Variants in SYNDIG1 observed in about 807,000 individuals in gnomAD.
The protein encoded by SYNDIG1 is synapse differentiation inducing 1.
In SYNDIG1, 9 loss-of-function variants were observed where a neutral mutation model predicts 19.4. The observed-to-expected ratio is 0.46, with a 90% CI of 0.28 to 0.81. The LOEUF (loss-of-function observed/expected upper bound fraction) is 0.81, where lower values mean the gene tolerates loss of function less well. SYNDIG1 is among the 30% of genes least tolerant of loss of function. The pLI is 0.12. For synonymous variants in SYNDIG1, 141 were observed against 145.9 expected, an observed-to-expected ratio of 0.97 and a Z score of 0.24; for missense variants, 311 against 343.3, an observed-to-expected ratio of 0.91 and a Z score of 0.74.
At chr20:24,642,220 C>A (rs550985249) in intron 3 of SYNDIG1, among the ~76,000 whole-genome samples, 7 of 152,152 alleles carry the variant, frequency 4.6e-5, no homozygotes, top group Non-Finnish European at 7.3e-5. Context: ...GAGCACTGAT[C>A]GGGTACATCG....
chr20:24,511,058 G>A (rs929528522), intron 1 of SYNDIG1, among the ~76,000 whole-genome samples: 5 of 152,106 alleles, frequency 3.3e-5, no homozygotes, highest in African/African-American at 9.7e-5. Context: ...TTTTCCCTGT[G>A]TGGATTTGGT....
intron 2 of SYNDIG1, among the ~76,000 whole-genome samples, chr20:24,546,759 G>A (rs1236691212): frequency 6.6e-6 from 1 of 152,022 alleles, no homozygotes; most frequent in Non-Finnish European, 1.5e-5. Context: ...CAACCACAGA[G>A]CCAAAAACCA....
chr20:24,501,936 G>A (rs570176407), intron 1 of SYNDIG1, among the ~76,000 whole-genome samples: 1 of 152,224 alleles, frequency 6.6e-6, no homozygotes, highest in Non-Finnish European at 1.5e-5. Context: ...TTTCCAGCAA[G>A]GGGAGACTGC....
Position 24,549,134 on chromosome 20 carries a change from A to G in SYNDIG1, c.480+5557A>G, listed in dbSNP as rs112993834. The stretch of plus-strand genomic sequence containing the variant: ...AATATATTATTTTTCAACTGTTTTC[A>G]TGCTACAGTGCTGTAGAACACTGGA... On this transcript the variant is annotated intron_variant, in intron 2 of 3. Transcript: ENST00000376862. Among the ~76,000 whole-genome samples, 39 of 152,236 alleles carry G rather than the reference A, an allele frequency of 2.6e-4. 1 individual carries two copies. Among genetic ancestry groups the G allele is most frequent in the African/African-American group, 8.7e-4 (36 of 41,538 alleles).
At chr20:24,521,583 A>C (rs2057004399) in intron 1 of SYNDIG1, among the ~76,000 whole-genome samples, 1 of 151,984 alleles carries the variant, frequency 6.6e-6, no homozygotes, top group Admixed American at 6.6e-5. Context: ...CTGCTAGTAT[A>C]ATAAAGGCAT....
At chr20:24,651,301 A>G (rs2059471833) in intron 3 of SYNDIG1, among the ~76,000 whole-genome samples, 1 of 152,202 alleles carries the variant, frequency 6.6e-6, no homozygotes, top group Non-Finnish European at 1.5e-5. Flanking sequence ...GACTGCATTC[A>G]GTGCTGATAA....
rs184028043 is a variant in SYNDIG1 at position 24,530,328 on chromosome 20, T to C, written c.-78-12692T>C. On this transcript the variant is annotated intron_variant, in intron 1 of 3. Transcript: ENST00000376862. ...AAAGCATCACTCACCAGCAGAAGTTTGGGTTGGCTTTGTGAACAGGAAGTC... is the reference window on the plus strand; with the variant it reads ...AAAGCATCACTCACCAGCAGAAGTTCGGGTTGGCTTTGTGAACAGGAAGTC... 4.1e-4 allele frequency among the ~76,000 whole-genome samples: 62 copies of C among 152,318 alleles called. No individual in the cohort carries two copies. In the East Asian group the frequency reaches 8.1e-3, roughly 20 times the overall value.
intron 2 of SYNDIG1, among the ~76,000 whole-genome samples, chr20:24,580,712 A>G (rs2058308518): frequency 6.6e-6 from 1 of 152,016 alleles, no homozygotes; most frequent in Non-Finnish European, 1.5e-5. Context: ...CCCACCCCTC[A>G]GTTTTTAAAA....
chr20:24,575,779 G>A (rs2058217627), intron 2 of SYNDIG1, among the ~76,000 whole-genome samples: 1 of 152,192 alleles, frequency 6.6e-6, no homozygotes, highest in Non-Finnish European at 1.5e-5. Flanking sequence ...TCTGAATGAT[G>A]CATTGACTCG....
intron 3 of SYNDIG1, among the ~76,000 whole-genome samples, chr20:24,607,170 G>A (rs2058767947): frequency 1.3e-5 from 2 of 152,074 alleles, no homozygotes; most frequent in South Asian, 4.1e-4. Flanking sequence ...GACCAGCCTG[G>A]CCAACATGGC....
chr20:24,482,299 G>C (rs2055821180), intron 1 of SYNDIG1, among the ~76,000 whole-genome samples: 1 of 152,154 alleles, frequency 6.6e-6, no homozygotes, highest in Non-Finnish European at 1.5e-5. Flanking sequence ...TGTCTCCCCT[G>C]ACCTTGTGAT....
At chr20:24,545,662 G>T (rs897547811) in intron 2 of SYNDIG1, among the ~76,000 whole-genome samples, 3 of 152,094 alleles carry the variant, frequency 2.0e-5, no homozygotes, top group African/African-American at 7.2e-5. Context: ...AGGAATGGGT[G>T]GGGGCAGACA....
chr20:24,600,864 C>T (rs1326899970), intron 3 of SYNDIG1, among the ~76,000 whole-genome samples: 1 of 152,158 alleles, frequency 6.6e-6, no homozygotes, highest in African/African-American at 2.4e-5. Context: ...ATCTGCCTGC[C>T]TTGGCCTCCC....
rs139022874 is a variant in SYNDIG1, at chr20:24,665,350, A to G, written c.623A>G (p.Asn208Ser). The change falls in exon 4 of 4, where the codon AAC (asparagine) becomes AGC (serine). Residue 208 changes from asparagine (N) to serine (S), a missense_variant. Transcript: ENST00000376862. Reference sequence around the variant, plus strand: ...TTTTCTTCTCCAACTCTGCAGACCAACAAAGCCGTGGCCAAGGGGGACTTG... The same window carrying G: ...TTTTCTTCTCCAACTCTGCAGACCAGCAAAGCCGTGGCCAAGGGGGACTTG... ...IAAFYLSHET[N>S]KAVAKGDLHQ... is the part of the protein sequence containing the mutation. 2 of 1,600,024 alleles carry G rather than the reference A, an allele frequency of 1.2e-6. No individual in the cohort carries two copies. The highest frequency in any genetic ancestry group is 1.7e-6 in the Non-Finnish European group (2 of 1,175,308).
intron 3 of SYNDIG1, among the ~76,000 whole-genome samples, chr20:24,601,082 GC>G (rs1328696451): frequency 3.3e-5 from 5 of 152,076 alleles, no homozygotes; most frequent in African/African-American, 1.2e-4. Flanking sequence ...AGCTTTTTGT[GC>G]AAATGGAAAA....
chr20:24,543,637 G>GC, intron 2 of SYNDIG1, 60 bp downstream of exon 2: 1 of 1,554,500 alleles, frequency 6.4e-7, no homozygotes, highest in Non-Finnish European at 8.7e-7. Flanking sequence ...TCTAGGGAGG[G>GC]CAGGAGCCAT....
At chr20:24,661,338 G>GGGAAGAAA (rs2059584279) in intron 3 of SYNDIG1, among the ~76,000 whole-genome samples, 1 of 135,542 alleles carries the variant, frequency 7.4e-6, no homozygotes, top group Non-Finnish European at 1.7e-5. Flanking sequence ...GAGAGGGGGA[G>GGGAAGAAA]GAAGGAGGGA....
At chr20:24,515,220 A>C (rs2056835978) in intron 1 of SYNDIG1, among the ~76,000 whole-genome samples, 1 of 152,226 alleles carries the variant, frequency 6.6e-6, no homozygotes, top group South Asian at 2.1e-4. Flanking sequence ...AAAGAACTAG[A>C]GAAGCAAGAG....
At position 24,517,303 on chromosome 20, in the gene SYNDIG1, A is replaced by T. The variant is rs575239354; in HGVS notation, c.-78-25717A>T. 8.1e-3 allele frequency among the ~76,000 whole-genome samples: 1,214 copies of T among 149,694 alleles called. 17 individuals carry two copies. Among genetic ancestry groups the T allele is most frequent in the African/African-American group, 0.024 (991 of 40,930 alleles). Reference sequence around the variant, plus strand: ...TACCCTAGAACTTAAAGTATAATAAAAAAAAAAATAAATAAATAAATATAT... The same window carrying T: ...TACCCTAGAACTTAAAGTATAATAATAAAAAAAATAAATAAATAAATATAT... On this transcript the variant is annotated intron_variant, in intron 1 of 3. Coordinates refer to ENST00000376862, the MANE Select transcript of SYNDIG1 (RefSeq NM_024893.3).
Sources: gnomAD v4.1 joint callset for allele counts (sites outside exome capture counted in the v4.1 genomes callset) on GRCh38, gnomAD v4.1.1 for gene constraint, MANE v1.5 for transcripts, NCBI Gene and HGNC (gene_info 2026-07-23, HGNC 2026-07-21) for gene names.